The following NUDCD3 variants were observed in gnomAD, a reference collection of about 807,000 sequenced individuals.
NUDCD3 encodes the protein NudC domain containing 3, also known as nudC domain-containing protein 3.
In NUDCD3, 13 loss-of-function variants were observed where a neutral mutation model predicts 39.7. The ratio of observed to expected loss-of-function variants is 0.33; its 90% CI spans 0.21 to 0.52. The LOEUF is 0.52. Among genes scored for constraint, NUDCD3 ranks in the 20% least tolerant of loss-of-function variants. The pLI is 0.96. For missense variants in NUDCD3, 453 were observed against 458.1 expected, an observed-to-expected ratio of 0.99 and a Z score of 0.10; for synonymous variants, 175 against 172.4, an observed-to-expected ratio of 1.02 and a Z score of -0.12.
intron 2 of NUDCD3, among the ~76,000 whole-genome samples, chr7:44,464,245 G>A (rs1800076434): frequency 6.6e-6 from 1 of 150,530 alleles, no homozygotes; most frequent in Non-Finnish European, 1.5e-5. Context: ...AGAAAACGAA[G>A]CAAGAATCGT....
chr7:44,434,265 A>G (rs561089498), intron 2 of NUDCD3, among the ~76,000 whole-genome samples: 11 of 152,118 alleles, frequency 7.2e-5, no homozygotes, highest in Admixed American at 1.3e-4. Flanking sequence ...GTCTGCCCCA[A>G]CGCCAGCAAC....
intron 2 of NUDCD3, among the ~76,000 whole-genome samples, chr7:44,479,810 C>A (rs1323156000): frequency 6.6e-6 from 1 of 152,186 alleles, no homozygotes; most frequent in African/African-American, 2.4e-5. Context: ...ATAGGATAAA[C>A]CATCCTGAAC....
chr7:44,424,346 G>A (rs1452600317), intron 3 of NUDCD3, among the ~76,000 whole-genome samples: 1 of 152,132 alleles, frequency 6.6e-6, no homozygotes, highest in Non-Finnish European at 1.5e-5. Flanking sequence ...TATCGTCAGA[G>A]TGAACAGGCA....
At chr7:44,401,230 T>C (rs777857736) in intron 4 of NUDCD3, among the ~76,000 whole-genome samples, 21 of 152,222 alleles carry the variant, frequency 1.4e-4, no homozygotes, top group African/African-American at 3.9e-4. Flanking sequence ...GCAGACGTGA[T>C]GCAGCAAGCG....
chr7:44,489,009 A>G (rs1800676388), intron 1 of NUDCD3, among the ~76,000 whole-genome samples: 2 of 152,106 alleles, frequency 1.3e-5, no homozygotes, highest in Non-Finnish European at 2.9e-5. Context: ...TCTGCAAACT[A>G]CAATCAATCT....
intron 4 of NUDCD3, among the ~76,000 whole-genome samples, chr7:44,392,709 G>C (rs1213612625): frequency 6.6e-6 from 1 of 152,130 alleles, no homozygotes; most frequent in East Asian, 1.9e-4. Context: ...GAAGAGCTAG[G>C]AGGCACATAC....
rs1798393047 is a variant in NUDCD3, at chr7:44,385,951, G to C, written c.*60C>G. On this transcript the variant is annotated 3_prime_UTR_variant, in exon 6 of 6. Coordinates refer to ENST00000355451, the MANE Select transcript of NUDCD3 (RefSeq NM_015332.4). ...TCCCTGGAATGCAGGGAGCCAAGAAGGGCAGCCGAGGATAAGGCTCTGCCT... is the reference window on the plus strand; with the variant it reads ...TCCCTGGAATGCAGGGAGCCAAGAACGGCAGCCGAGGATAAGGCTCTGCCT... 5.9e-6 allele frequency: 5 copies of C among 854,134 alleles called. No individual in the cohort carries two copies. The highest frequency in any genetic ancestry group is 1.3e-5 in the South Asian group (1 of 74,638). The allele number at this position is 854,134 out of a possible 1,614,324, so 52.9% of individuals were successfully genotyped here. A position where few individuals can be genotyped will look rare whatever the true frequency, so the allele number is the denominator to read the frequency against.
intron 2 of NUDCD3, among the ~76,000 whole-genome samples, chr7:44,466,893 C>T (rs1037552244): frequency 2.0e-5 from 3 of 152,170 alleles, no homozygotes; most frequent in East Asian, 3.9e-4. Context: ...GGTGAGGGAA[C>T]GTGTGACCCA....
chr7:44,433,568 A>C (rs527672388), intron 2 of NUDCD3, among the ~76,000 whole-genome samples: 1 of 152,142 alleles, frequency 6.6e-6, no homozygotes, highest in East Asian at 1.9e-4. Context: ...CACAGTGTGC[A>C]TATGCGTGCA....
At chr7:44,425,716 C>T (rs1799221087) in intron 3 of NUDCD3, among the ~76,000 whole-genome samples, 1 of 151,924 alleles carries the variant, frequency 6.6e-6, no homozygotes, top group Non-Finnish European at 1.5e-5. Flanking sequence ...TTTTTTTAAA[C>T]TTAACCAGGC....
chr7:44,488,486 AG>A (rs1308683727), intron 1 of NUDCD3, among the ~76,000 whole-genome samples: 3 of 152,126 alleles, frequency 2.0e-5, no homozygotes, highest in African/African-American at 7.2e-5. Flanking sequence ...CTCTCCACCA[AG>A]ATTATTCCCC....
rs115164631 is a variant in NUDCD3, at chr7:44,485,075, C to T, written c.402G>A (p.Gln134=). 1,413 of 1,614,126 alleles carry T rather than the reference C, an allele frequency of 8.8e-4. 11 individuals carry two copies. The African/African-American group carries it at 0.015, about 18-fold the overall frequency. ...LDGHQEVEKV[Q]PPGPVKEMAH... is the part of the protein sequence containing the mutation. ...CCATTTCCTTCACAGGGCCTGGAGG[C>T]TGCACTTTCTCTACTTCCTGATGCC... The change falls in exon 2 of 6, where the codon CAG becomes CAA. Residue 134 remains glutamine, a synonymous_variant. Transcript: ENST00000355451.
rs1798392313 is a variant in NUDCD3, at chr7:44,385,899, T to TA, written c.*111_*112insT. The stretch of plus-strand genomic sequence containing the variant: ...CCTGGTTCACCCTTGAAAGAAAGGA[T>TA]GGCTAGGGGTAAACAAGACGAGCAA... On this transcript the variant is annotated 3_prime_UTR_variant, in exon 6 of 6. Coordinates refer to ENST00000355451, the MANE Select transcript of NUDCD3 (RefSeq NM_015332.4). 6 of 660,006 alleles carry TA rather than the reference T, an allele frequency of 9.1e-6. No homozygotes were observed. Among genetic ancestry groups the TA allele is most frequent in the Admixed American group, 2.4e-5 (1 of 41,836 alleles). The allele number at this position is 660,006 out of a possible 1,614,324, so 40.9% of individuals were successfully genotyped here.
intron 2 of NUDCD3, chr7:44,468,345 AC>A: frequency 1.9e-6 from 2 of 1,076,030 alleles, no homozygotes; most frequent in Non-Finnish European, 1.3e-6. Context: ...AAATGTAAAA[AC>A]TGCAAAAAAA....
chr7:44,425,995 C>T (rs937350476), intron 3 of NUDCD3: 2 of 310,126 alleles, frequency 6.4e-6, no homozygotes, highest in Non-Finnish European at 9.4e-6. Flanking sequence ...GCTCCAGTGG[C>T]GCAATCGGTT....
intron 2 of NUDCD3, among the ~76,000 whole-genome samples, chr7:44,445,127 G>A (rs1289832399): frequency 2.6e-5 from 4 of 152,072 alleles, no homozygotes; most frequent in African/African-American, 7.2e-5. Flanking sequence ...GACCCTTCCT[G>A]CTGCCTGCCC....
chr7:44,480,810 T>G (rs1800473587), intron 2 of NUDCD3, among the ~76,000 whole-genome samples: 1 of 151,722 alleles, frequency 6.6e-6, no homozygotes, highest in Admixed American at 6.6e-5. Flanking sequence ...GGCAAGGTGG[T>G]GCACGCCTGT....
chr7:44,388,640 G>A (rs953209237), intron 5 of NUDCD3, among the ~76,000 whole-genome samples: 27 of 152,226 alleles, frequency 1.8e-4, no homozygotes, highest in Non-Finnish European at 2.8e-4. Flanking sequence ...CACAGTGAAC[G>A]ACCATAGCCC....
intron 3 of NUDCD3, among the ~76,000 whole-genome samples, chr7:44,405,988 CA>C (rs1388499861): frequency 6.6e-6 from 1 of 152,032 alleles, no homozygotes; most frequent in African/African-American, 2.4e-5. Flanking sequence ...TTTGTAGAGA[CA>C]GGGGTCTTGC....
Sources: gnomAD v4.1 joint callset for allele counts (sites outside exome capture counted in the v4.1 genomes callset) on GRCh38, gnomAD v4.1.1 for gene constraint, MANE v1.5 for transcripts, NCBI Gene and HGNC (gene_info 2026-07-23, HGNC 2026-07-21) for gene names.